PRSS22: variants seen among roughly 807,000 people sequenced by gnomAD.
PRSS22 encodes the protein serine protease 22.
A neutral mutation model predicts 28.0 loss-of-function variants in PRSS22; 26 were observed. That is an observed-to-expected ratio of 0.93 (90% CI 0.68 to 1.29). PRSS22 has a LOEUF of 1.29. Ranked by LOEUF, PRSS22 falls within the 50% of genes most tolerant of loss-of-function variation. The pLI, the probability that PRSS22 is intolerant of heterozygous loss-of-function variation, is 0.00. For missense variants in PRSS22, 444 were observed against 422.1 expected, an observed-to-expected ratio of 1.05 and a Z score of -0.46; for synonymous variants, 217 against 177.9, an observed-to-expected ratio of 1.22 and a Z score of -1.75.
intron 1 of PRSS22, chr16:2,857,604 G>C (rs1596327011): frequency 6.0e-6 from 1 of 165,492 alleles, no homozygotes; most frequent in Non-Finnish European, 1.3e-5. Flanking sequence ...GCCTTCCGGG[G>C]ACCAGGACCG....
Position 2,856,271 on chromosome 16 carries a change from G to A in PRSS22, c.110-18C>T, listed in dbSNP as rs2069456061. 1.2e-6 allele frequency: 2 copies of A among 1,612,446 alleles called. No homozygotes were observed. The highest frequency in any genetic ancestry group is 1.7e-6 in the Non-Finnish European group (2 of 1,179,462). On this transcript the variant is annotated intron_variant, in intron 2 of 5. Transcript: ENST00000161006. ...TGGGGGAACTGGAGGGTACGGTCAAGTTTTGTTATCTCCAACTTCCTACAA... is the reference window on the plus strand; with the variant it reads ...TGGGGGAACTGGAGGGTACGGTCAAATTTTGTTATCTCCAACTTCCTACAA...
rs1292779135 is a variant in PRSS22 at position 2,852,939 on chromosome 16, G to A, written c.*154C>T. ...TGAGGCCGTCGGGCGGGTCGGGGAGGGGGTTTCCTTTCCGCAGCAGCCGTC... is the reference window on the plus strand; with the variant it reads ...TGAGGCCGTCGGGCGGGTCGGGGAGAGGGTTTCCTTTCCGCAGCAGCCGTC... On this transcript the variant is annotated 3_prime_UTR_variant, in exon 6 of 6. Coordinates refer to ENST00000161006, the MANE Select transcript of PRSS22 (RefSeq NM_022119.4). 12 of 615,384 alleles carry A rather than the reference G, an allele frequency of 1.9e-5. No homozygotes were observed. Among genetic ancestry groups the A allele is most frequent in the Admixed American group, 9.8e-5 (3 of 30,500 alleles). 38.1% of individuals were successfully genotyped at this position (615,384 alleles called of 1,614,324 possible).
At position 2,853,419 on chromosome 16, in the gene PRSS22, CT is replaced by C; in HGVS notation, c.718-91del. ...GCCCTGTCAGGGGGCAGATGAGCCC[CT>C]TCCCGGGAGCCCGTTTCTCCTTCCT... On this transcript the variant is annotated intron_variant, in intron 5 of 5. Transcript: ENST00000161006. This position sits in a 1 kb window ranked among gnomAD's most constrained non-coding sequence, Gnocchi z 4.6. The C allele has an allele frequency of 5.6e-6, 6 of 1,076,738 alleles. No homozygotes were observed. In the South Asian group the frequency reaches 7.6e-5, roughly 14 times the overall value. The allele number at this position is 1,076,738 out of a possible 1,614,324, so 66.7% of individuals were successfully genotyped here. A position where few individuals can be genotyped will look rare whatever the true frequency, so the allele number is the denominator to read the frequency against.
intron 4 of PRSS22, among the ~76,000 whole-genome samples, chr16:2,855,050 T>G (rs1311836517): frequency 6.6e-6 from 1 of 151,924 alleles, no homozygotes; most frequent in East Asian, 1.9e-4. Context: ...GCCAGATACT[T>G]TTGAAGTAGA....
At position 2,853,487 on chromosome 16, in the gene PRSS22, C is replaced by A. The variant is rs540659959; in HGVS notation, c.718-158G>T. 6.6e-6 allele frequency among the ~76,000 whole-genome samples: 1 copy of A among 152,190 alleles called. No homozygotes were observed. Among genetic ancestry groups the A allele is most frequent in the Non-Finnish European group, 1.5e-5 (1 of 68,018 alleles). ...GAGCTCCACCCAGGTGAGAAGTCCC[C>A]GGCGGCAGAGTAGGAGCTGCAGCCA... On this transcript the variant is annotated intron_variant, in intron 5 of 5. Coordinates refer to ENST00000161006, the MANE Select transcript of PRSS22 (RefSeq NM_022119.4). This position sits in a 1 kb window ranked among gnomAD's most constrained non-coding sequence, Gnocchi z 4.6.
chr16:2,853,252 G>A lies in PRSS22; in HGVS notation c.795C>T (p.Gly265=). The change falls in exon 6 of 6, where the codon GGC becomes GGT. Residue 265 remains glycine (G), a synonymous_variant. Transcript: ENST00000161006. The surrounding 1 kb of genome is among the most constrained non-coding windows in gnomAD (Gnocchi z 4.6). ...LLAGIISWGE[G]CAERNRPGVY... Reference sequence around the variant, plus strand: ...CCCCGGGCCTGTTGCGCTCGGCACAGCCCTCGCCCCAGCTGATGATGCCGG... The same window carrying A: ...CCCCGGGCCTGTTGCGCTCGGCACAACCCTCGCCCCAGCTGATGATGCCGG... 1 of 1,600,916 alleles carries A rather than the reference G, an allele frequency of 6.2e-7. No individual in the cohort carries two copies. The highest frequency in any genetic ancestry group is 8.5e-7 in the Non-Finnish European group (1 of 1,179,730).
Position 2,855,736 on chromosome 16 carries a change from A to T in PRSS22, c.397T>A (p.Ser133Thr). The change falls in exon 4 of 6, where the codon TCC (serine) becomes ACC (threonine). Residue 133 changes from serine (S) to threonine (T), a missense_variant. Ser to Thr is a moderately conservative substitution (Grantham distance 58). Transcript: ENST00000161006. The part of the protein sequence containing the change: ...VAWVEPHPVY[S>T]WKEGACADIA... ...TCTGCACAGGCACCTTCCTTCCAGG[A>T]ATACACAGGGTGGGGCTCCACCCAG... 6.2e-7 allele frequency: 1 copy of T among 1,614,186 alleles called. No homozygotes were observed.
At chr16:2,857,035 C>T (rs1482569616) in intron 1 of PRSS22, 187 bp from the exon 2 acceptor site, 1 of 655,766 alleles carries the variant, frequency 1.5e-6, no homozygotes, top group South Asian at 1.8e-5. Flanking sequence ...GGGGTCCCAG[C>T]ACCCCCTGAG....
chr16:2,854,884 G>A (rs929410981), intron 4 of PRSS22, among the ~76,000 whole-genome samples: 1 of 152,062 alleles, frequency 6.6e-6, no homozygotes, highest in African/African-American at 2.4e-5. Flanking sequence ...CGCAATTGTG[G>A]CATGCTACCA....
chr16:2,854,091 C>G, intron 4 of PRSS22, 69 bp from the exon 5 acceptor site: 2 of 1,540,564 alleles, frequency 1.3e-6, no homozygotes, highest in Non-Finnish European at 1.8e-6. Context: ...AAGGACTATT[C>G]CCCCCCAACA....
chr16:2,857,069 G>C (rs963146829), intron 1 of PRSS22: 1 of 615,046 alleles, frequency 1.6e-6, no homozygotes, highest in Non-Finnish European at 2.9e-6. Flanking sequence ...CGCCCAGTGA[G>C]GAGGGGTCCC....
At position 2,858,137 on chromosome 16, in the gene PRSS22, C is replaced by A; in HGVS notation, c.-33G>T. 1 of 1,255,318 alleles carries A rather than the reference C, an allele frequency of 8.0e-7. No homozygotes were observed. Among genetic ancestry groups the A allele is most frequent in the South Asian group, 3.6e-5 (1 of 27,824 alleles). 77.8% of individuals were successfully genotyped at this position (1,255,318 alleles called of 1,614,324 possible). ...GGGGCGGGGGAGCAGGCAGCAGGCT[C>A]GAGAGACCCAGGGCGATGCGGGTCA... On this transcript the variant is annotated 5_prime_UTR_variant, in exon 1 of 6. Transcript: ENST00000161006.
At chr16:2,857,995 A>G in intron 1 of PRSS22, 28 bp downstream of exon 1, 1 of 1,262,246 alleles carries the variant, frequency 7.9e-7, no homozygotes, top group Non-Finnish European at 1.0e-6. Context: ...GGTGAGAGGG[A>G]GGAGGGAGGA....
chr16:2,853,797 G>T lies in PRSS22; in HGVS notation c.717+68C>A. 2 of 1,570,414 alleles carry T rather than the reference G, an allele frequency of 1.3e-6. No individual in the cohort carries two copies. Among genetic ancestry groups the T allele is most frequent in the South Asian group, 1.1e-5 (1 of 87,338 alleles). On this transcript the variant is annotated intron_variant, in intron 5 of 5. Coordinates refer to ENST00000161006, the MANE Select transcript of PRSS22 (RefSeq NM_022119.4). This position sits in a 1 kb window ranked among gnomAD's most constrained non-coding sequence, Gnocchi z 4.6. Reference sequence around the variant, plus strand: ...GGGAGAGGTTGTGGGGCTCAGTGGGGACAGGACTGACGCTGGCTCCTTCCC... The same window carrying T: ...GGGAGAGGTTGTGGGGCTCAGTGGGTACAGGACTGACGCTGGCTCCTTCCC...
rs143594321 is a variant in PRSS22 at position 2,853,149 on chromosome 16, C to T, written c.898G>A (p.Gly300Arg). ...CTCGGTGCCCTGAGGGCCCCACCCC[C>T]CTGAGCGCGCCCGCGGAGCTGCACC... ...QGVQLRGRAQ[G>R]GGALRAPSQG... The change falls in exon 6 of 6, where the codon GGG (glycine) becomes AGG (arginine). Residue 300 changes from glycine (G) to arginine (R), a missense_variant. Physicochemically the swap from Gly to Arg is moderately radical, Grantham distance 125. Coordinates refer to ENST00000161006, the MANE Select transcript of PRSS22 (RefSeq NM_022119.4). This position sits in a 1 kb window ranked among gnomAD's most constrained non-coding sequence, Gnocchi z 4.6. 10 of 1,598,236 alleles carry T rather than the reference C, an allele frequency of 6.3e-6. No homozygotes were observed. The African/African-American group carries it at 9.3e-5, about 15-fold the overall frequency.
chr16:2,855,541 C>T (rs2069446574), intron 4 of PRSS22, 33 bp downstream of exon 4: 1 of 1,611,342 alleles, frequency 6.2e-7, no homozygotes, highest in East Asian at 2.2e-5. Context: ...TCCCCATCTG[C>T]CCCCAACCAC....
chr16:2,856,003 C>T, intron 3 of PRSS22, 79 bp downstream of exon 3: 1 of 1,552,020 alleles, frequency 6.4e-7, no homozygotes, highest in Non-Finnish European at 8.7e-7. Context: ...GGAAGCAGAG[C>T]CTGTAAAGGG....
Position 2,853,105 on chromosome 16 carries a change from G to T in PRSS22, c.942C>A (p.Ala314=), listed in dbSNP as rs1453823399. ...LRAPSQGSGA[A]ARS ...GTCCCGCTGCGCCCTAGGAGCGCGCGGCGGCCCCAGAGCCCTGGCTCGGTG... is the reference window on the plus strand; with the variant it reads ...GTCCCGCTGCGCCCTAGGAGCGCGCTGCGGCCCCAGAGCCCTGGCTCGGTG... Residue 314 remains alanine (A), a synonymous_variant, in exon 6 of 6, where the codon GCC becomes GCA. Coordinates refer to ENST00000161006, the MANE Select transcript of PRSS22 (RefSeq NM_022119.4). This position sits in a 1 kb window ranked among gnomAD's most constrained non-coding sequence, Gnocchi z 4.6. 3 of 1,588,498 alleles carry T rather than the reference G, an allele frequency of 1.9e-6. No individual in the cohort carries two copies. The highest frequency in any genetic ancestry group is 2.6e-6 in the Non-Finnish European group (3 of 1,173,512).
chr16:2,856,310 T>C, intron 2 of PRSS22, 57 bp from the exon 3 acceptor site: 1 of 1,578,328 alleles, frequency 6.3e-7, no homozygotes. Context: ...ACCCCCGGAA[T>C]CCCAATCCCT....
Sources: gnomAD v4.1 joint callset for allele counts (sites outside exome capture counted in the v4.1 genomes callset) on GRCh38, gnomAD v4.1.1 for gene constraint, Gnocchi (gnomAD v3.1) non-coding constraint, MANE v1.5 for transcripts, NCBI Gene and HGNC (gene_info 2026-07-23, HGNC 2026-07-21) for gene names.